FOCAD: variants seen among roughly 807,000 people sequenced by gnomAD.
FOCAD encodes the protein KIAA1797.
Under a neutral mutation model 225.6 loss-of-function variants are expected in FOCAD, and 198 were observed. The observed-to-expected ratio is 0.88, with a 90% CI of 0.78 to 0.99. The LOEUF (loss-of-function observed/expected upper bound fraction) is 0.99, where lower values mean the gene tolerates loss of function less well. FOCAD is among the 50% of genes least tolerant of loss of function. FOCAD has a pLI of 0.00. For synonymous variants in FOCAD, 897 were observed against 755.0 expected (o/e 1.19, Z -3.08); for missense variants, 2,713 against 2,123.6 (o/e 1.28, Z -5.46).
intron 2 of FOCAD, among the ~76,000 whole-genome samples, chr9:20,659,993 T>C (rs946153298): frequency 1.3e-5 from 2 of 152,240 alleles, no homozygotes; most frequent in Admixed American, 6.5e-5. Context: ...GTGAATAATA[T>C]GCCATCAAGG....
chr9:20,979,077 T>C (rs1840459785), intron 37 of FOCAD, among the ~76,000 whole-genome samples: 1 of 152,212 alleles, frequency 6.6e-6, no homozygotes, highest in South Asian at 2.1e-4. Flanking sequence ...ATAGGAAGAA[T>C]AGGGCAAGAG....
intron 22 of FOCAD, among the ~76,000 whole-genome samples, chr9:20,908,965 C>A (rs1361658649): frequency 2.0e-5 from 3 of 151,986 alleles, no homozygotes; most frequent in Non-Finnish European, 4.4e-5. Flanking sequence ...AATTCCAGTA[C>A]AGTATCTTTG....
Position 20,870,717 on chromosome 9 carries a change from G to A in FOCAD, c.2190+3705G>A, listed in dbSNP as rs575793057. 3.9e-5 allele frequency among the ~76,000 whole-genome samples: 6 copies of A among 152,232 alleles called. No individual in the cohort carries two copies. In the South Asian group the frequency reaches 8.3e-4, roughly 21 times the overall value. Reference sequence around the variant, plus strand: ...GTGTTCTGTGTTACCAGATGTTTCTGCCCATCTGTAGGCTAATGTAAGTGT... The same window carrying A: ...GTGTTCTGTGTTACCAGATGTTTCTACCCATCTGTAGGCTAATGTAAGTGT... On this transcript the variant is annotated intron_variant, in intron 18 of 43. Coordinates refer to ENST00000338382, the MANE Select transcript of FOCAD (RefSeq NM_001375567.1).
chr9:20,884,951 C>G (rs1022518126), intron 20 of FOCAD, among the ~76,000 whole-genome samples, 158 bp from the exon 21 acceptor site: 6 of 151,954 alleles, frequency 3.9e-5, no homozygotes, highest in Admixed American at 3.9e-4. Context: ...CCCAGCTACT[C>G]AGGAGGCTGA....
intron 11 of FOCAD, among the ~76,000 whole-genome samples, chr9:20,800,466 C>T (rs917720585): frequency 5.9e-5 from 9 of 152,092 alleles, no homozygotes; most frequent in Non-Finnish European, 1.3e-4. Flanking sequence ...TCCATTCTCC[C>T]CATCACTTTC....
chr9:20,761,701 T>A (rs1197906874), intron 6 of FOCAD, among the ~76,000 whole-genome samples: 1 of 152,154 alleles, frequency 6.6e-6, no homozygotes, highest in Non-Finnish European at 1.5e-5. Context: ...ATTACAGGTG[T>A]GAGCCACCGT....
At chr9:20,939,755 CT>C (rs1564180312) in intron 28 of FOCAD, among the ~76,000 whole-genome samples, 1 of 120,248 alleles carries the variant, frequency 8.3e-6, no homozygotes, top group African/African-American at 3.1e-5. Context: ...TTTTTTCTTT[CT>C]TTTTTTTAAA....
chr9:20,914,494 C>T (rs907946829), intron 23 of FOCAD, among the ~76,000 whole-genome samples: 1 of 152,068 alleles, frequency 6.6e-6, no homozygotes, highest in African/African-American at 2.4e-5. Context: ...TGTTCAGGGT[C>T]TCTTTAATAA....
chr9:20,721,075 A>G (rs1349040015), intron 4 of FOCAD, among the ~76,000 whole-genome samples: 2 of 152,250 alleles, frequency 1.3e-5, no homozygotes, highest in Non-Finnish European at 2.9e-5. Context: ...CTGAGGTAAT[A>G]GGACAATAAG....
intron 8 of FOCAD, among the ~76,000 whole-genome samples, chr9:20,770,948 A>G (rs981830460): frequency 2.0e-5 from 3 of 152,236 alleles, no homozygotes; most frequent in Non-Finnish European, 2.9e-5. Context: ...GGTAAATTCT[A>G]TGACCTCAAG....
At chr9:20,818,549 A>G (rs995802383) in intron 11 of FOCAD, among the ~76,000 whole-genome samples, 6 of 152,108 alleles carry the variant, frequency 3.9e-5, no homozygotes, top group Non-Finnish European at 8.8e-5. Flanking sequence ...ATGTTGTATG[A>G]GAAAGGGGTC....
intron 15 of FOCAD, among the ~76,000 whole-genome samples, chr9:20,828,443 G>A (rs1746883570): frequency 6.6e-6 from 1 of 151,998 alleles, no homozygotes; most frequent in African/African-American, 2.4e-5. Flanking sequence ...TTGGTAGGTA[G>A]ATCTCTAGGA....
chr9:20,727,182 C>CT (rs1052222525), intron 4 of FOCAD, among the ~76,000 whole-genome samples: 48 of 151,836 alleles, frequency 3.2e-4, no homozygotes, highest in Admixed American at 3.1e-3. Flanking sequence ...TTCCCCAATC[C>CT]TTTTTTTTCC....
chr9:20,981,683 T>G lies in FOCAD; in HGVS notation c.4635T>G (p.Ile1545Met). 1.2e-6 allele frequency: 2 copies of G among 1,603,748 alleles called. No homozygotes were observed. The highest frequency in any genetic ancestry group is 1.7e-6 in the Non-Finnish European group (2 of 1,175,514). The change falls in exon 38 of 44, where the codon ATT becomes ATG. Residue 1545 changes from isoleucine to methionine, a missense_variant. By Grantham distance (10) the Ile-to-Met change is conservative. Coordinates refer to ENST00000338382, the MANE Select transcript of FOCAD (RefSeq NM_001375567.1). ...GKIFDLLPNK[I>M]RRKDLELYIS... is the part of the protein sequence containing the mutation. ...TTTTTGACCTCCTGCCAAATAAGAT[T>G]CGGGTGAGGAACAAAAATATTTACA...
At chr9:20,772,954 A>T (rs1294555766) in intron 8 of FOCAD, among the ~76,000 whole-genome samples, 1 of 139,080 alleles carries the variant, frequency 7.2e-6, no homozygotes. Flanking sequence ...TAATCATGTT[A>T]TATATAATAT....
chr9:20,927,402 A>G (rs978782559), intron 26 of FOCAD, among the ~76,000 whole-genome samples: 5 of 152,120 alleles, frequency 3.3e-5, no homozygotes, highest in Non-Finnish European at 5.9e-5. Flanking sequence ...TATCTGCAAA[A>G]TGAAAGTAAA....
intron 2 of FOCAD, among the ~76,000 whole-genome samples, chr9:20,676,647 T>C (rs1822246839): frequency 6.6e-6 from 1 of 152,188 alleles, no homozygotes; most frequent in African/African-American, 2.4e-5. Flanking sequence ...TTGCAGGAGA[T>C]ATATTTTCCA....
At chr9:20,763,953 C>G (rs1387129896) in intron 6 of FOCAD, among the ~76,000 whole-genome samples, 1 of 152,146 alleles carries the variant, frequency 6.6e-6, no homozygotes, top group Non-Finnish European at 1.5e-5. Flanking sequence ...AAGACCTTGA[C>G]AAATTATTTC....
At chr9:20,976,214 A>C (rs2132584519) in intron 35 of FOCAD, 1 of 287,076 alleles carries the variant, frequency 3.5e-6, no homozygotes, top group Admixed American at 4.5e-5. Flanking sequence ...AATTTATAAA[A>C]ATTTTTTAAA....
Sources: allele counts gnomAD v4.1 joint callset (sites outside exome capture counted in the v4.1 genomes callset), GRCh38; gene constraint gnomAD v4.1.1; transcripts MANE v1.5; gene names NCBI Gene and HGNC (gene_info 2026-07-23, HGNC 2026-07-21).